The following LARGE1 variants were observed in gnomAD, a reference collection of about 807,000 sequenced individuals.
LARGE1 encodes the protein xylosyl- and glucuronyltransferase LARGE1.
LARGE1 carries 43 observed loss-of-function variants against 87.6 expected under a neutral mutation model. The observed-to-expected ratio is 0.49, with a 90% CI of 0.38 to 0.63. The LOEUF is 0.63. Ranked by LOEUF, LARGE1 falls within the 30% of genes least tolerant of loss-of-function variation. The pLI is 0.00. For synonymous variants in LARGE1, 434 were observed against 394.6 expected (o/e 1.10, Z -1.18); for missense variants, 802 against 1,000.2 (o/e 0.80, Z 2.67).
intron 9 of LARGE1, among the ~76,000 whole-genome samples, chr22:33,338,481 C>T (rs1017585548): frequency 6.6e-6 from 1 of 152,154 alleles, no homozygotes; most frequent in African/African-American, 2.4e-5. Context: ...CCTCCTATTT[C>T]TTCAGCTCTA....
At chr22:33,221,417 CTGCTTCTTAGCATT>C (rs1925453823) in intron 11 of LARGE1, among the ~76,000 whole-genome samples, 1 of 152,142 alleles carries the variant, frequency 6.6e-6, no homozygotes, top group Non-Finnish European at 1.5e-5. Context: ...AAAAATTTTG[CTGCTTCTTAGCATT>C]AAAAAGATGC....
At chr22:33,592,147 C>G (rs2078859968) in intron 5 of LARGE1, among the ~76,000 whole-genome samples, 1 of 151,544 alleles carries the variant, frequency 6.6e-6, no homozygotes, top group East Asian at 1.9e-4. Context: ...CTTTGCCCAA[C>G]TTGAAGTCCC....
At chr22:33,738,769 T>C (rs947622013) in intron 2 of LARGE1, among the ~76,000 whole-genome samples, 3 of 148,986 alleles carry the variant, frequency 2.0e-5, no homozygotes, top group African/African-American at 5.0e-5. Context: ...GGTGTGAACC[T>C]AGGAGGCGGA....
intron 6 of LARGE1, among the ~76,000 whole-genome samples, chr22:33,436,396 C>A (rs961377467): frequency 6.6e-6 from 1 of 152,220 alleles, no homozygotes; most frequent in Non-Finnish European, 1.5e-5. Context: ...AGGCCATTCT[C>A]GAACTCTGCC....
intron 11 of LARGE1, among the ~76,000 whole-genome samples, chr22:33,188,714 T>C (rs1923618157): frequency 1.3e-5 from 2 of 151,902 alleles, no homozygotes; most frequent in South Asian, 2.1e-4. Flanking sequence ...GCTGGAGGAG[T>C]TGCCAGTCTC....
intron 11 of LARGE1, among the ~76,000 whole-genome samples, chr22:33,176,664 C>T (rs1602048822): frequency 6.6e-6 from 1 of 152,164 alleles, no homozygotes; most frequent in Non-Finnish European, 1.5e-5. Context: ...ACAACAGATG[C>T]TGGAGAGGAA....
intron 11 of LARGE1, among the ~76,000 whole-genome samples, chr22:33,254,702 G>T (rs1927170966): frequency 6.6e-6 from 1 of 152,150 alleles, no homozygotes; most frequent in Admixed American, 6.5e-5. Context: ...GTTGCTAGAA[G>T]AAGTAATGAA....
At chr22:33,429,007 A>G (rs571068754) in intron 7 of LARGE1, among the ~76,000 whole-genome samples, 34 of 151,380 alleles carry the variant, frequency 2.2e-4, no homozygotes, top group Admixed American at 2.2e-3. Flanking sequence ...GCCAAGTTGC[A>G]TAAGAAGACT....
Position 33,777,511 on chromosome 22 carries a change from C to T in LARGE1, c.-82-15953G>A, listed in dbSNP as rs1052479197. The stretch of plus-strand genomic sequence containing the variant: ...TTTTTAAATTAGCCAGGTGTGGTGC[C>T]ACATGCCTGCAGTCCCAGCTACTTG... On this transcript the variant is annotated intron_variant, in intron 1 of 14. Transcript: ENST00000397394. Among the ~76,000 whole-genome samples the T allele has an allele frequency of 2.6e-5, 4 of 151,898 alleles. No homozygotes were observed. In the East Asian group the frequency reaches 7.7e-4, roughly 29 times the overall value.
chr22:33,248,676 A>G (rs1284989377), intron 11 of LARGE1, among the ~76,000 whole-genome samples: 1 of 152,258 alleles, frequency 6.6e-6, no homozygotes, highest in Non-Finnish European at 1.5e-5. Context: ...AGTATCATAC[A>G]GAGTATTTCC....
chr22:33,506,986 C>A (rs1320034103), intron 6 of LARGE1, among the ~76,000 whole-genome samples: 1 of 152,124 alleles, frequency 6.6e-6, no homozygotes, highest in Non-Finnish European at 1.5e-5. Context: ...TTGGGAGACA[C>A]AAGAGCAAGG....
intron 2 of LARGE1, among the ~76,000 whole-genome samples, chr22:33,665,708 C>T (rs1026358288): frequency 5.3e-5 from 8 of 151,986 alleles, no homozygotes; most frequent in East Asian, 1.9e-4. Context: ...CTGGCTAACA[C>T]GGCGAAATCT....
intron 4 of LARGE1, among the ~76,000 whole-genome samples, chr22:33,617,966 C>T (rs955662588): frequency 6.6e-6 from 1 of 152,182 alleles, no homozygotes; most frequent in Non-Finnish European, 1.5e-5. Context: ...GCCACAGTCC[C>T]TCCAAGGCAA....
intron 6 of LARGE1, among the ~76,000 whole-genome samples, chr22:33,528,581 T>C (rs1450198629): frequency 6.6e-6 from 1 of 152,138 alleles, no homozygotes; most frequent in Non-Finnish European, 1.5e-5. Context: ...ACATTCTCCA[T>C]AGACTGGCCA....
intron 1 of LARGE1, among the ~76,000 whole-genome samples, chr22:33,843,059 G>A (rs1329900855): frequency 6.6e-6 from 1 of 152,152 alleles, no homozygotes; most frequent in African/African-American, 2.4e-5. Context: ...CATACTCCTA[G>A]CCTTCCTGGA....
chr22:33,699,748 TA>T (rs1023280018), intron 2 of LARGE1, among the ~76,000 whole-genome samples: 4 of 151,566 alleles, frequency 2.6e-5, no homozygotes, highest in African/African-American at 4.8e-5. Context: ...TTCAAAGGGA[TA>T]AAAAAAAATT....
chr22:33,668,687 C>A (rs149759931), intron 2 of LARGE1, among the ~76,000 whole-genome samples: 6 of 152,228 alleles, frequency 3.9e-5, no homozygotes, highest in Non-Finnish European at 5.9e-5. Context: ...TGTGCCCACT[C>A]TACATAAGGC....
chr22:33,918,736 CAGG>C (rs2065857472), intron 1 of LARGE1, among the ~76,000 whole-genome samples: 1 of 152,148 alleles, frequency 6.6e-6, no homozygotes, highest in Non-Finnish European at 1.5e-5. Flanking sequence ...GGTGGGAAGA[CAGG>C]AGAAGTGAGA....
intron 6 of LARGE1, among the ~76,000 whole-genome samples, chr22:33,442,197 C>T (rs1375152310): frequency 2.6e-5 from 4 of 152,140 alleles, no homozygotes; most frequent in Admixed American, 6.5e-5. Context: ...GAGAAGCTTC[C>T]GATCACCGGA....
Sources: allele counts gnomAD v4.1 joint callset (sites outside exome capture counted in the v4.1 genomes callset), GRCh38; gene constraint gnomAD v4.1.1; transcripts MANE v1.5; gene names NCBI Gene and HGNC (gene_info 2026-07-23, HGNC 2026-07-21).